FNDC3B: variants seen among roughly 807,000 people sequenced by gnomAD.
FNDC3B encodes the protein fibronectin type III domain containing 3B, also known as fibronectin type III domain-containing protein 3B.
A neutral mutation model predicts 151.5 loss-of-function variants in FNDC3B; 12 were observed. The ratio of observed to expected loss-of-function variants is 0.08; its 90% CI spans 0.05 to 0.13. The LOEUF is 0.13. FNDC3B is among the 10% of genes least tolerant of loss of function. The pLI is 1.00. For missense variants in FNDC3B, 1,214 were observed against 1,505.3 expected (o/e 0.81, Z 3.20); for synonymous variants, 528 against 549.0 (o/e 0.96, Z 0.54).
At chr3:172,311,662 C>A (rs1412272295) in intron 11 of FNDC3B, among the ~76,000 whole-genome samples, 5 of 147,444 alleles carry the variant, frequency 3.4e-5, no homozygotes, top group Non-Finnish European at 7.5e-5. Flanking sequence ...GTCAGGAGAT[C>A]AAGACCATCC....
intron 3 of FNDC3B, among the ~76,000 whole-genome samples, chr3:172,134,682 T>C (rs535257801): frequency 6.6e-6 from 1 of 152,260 alleles, no homozygotes; most frequent in East Asian, 1.9e-4. Flanking sequence ...GAAATGAGTA[T>C]ATTTTTAAAG....
chr3:172,289,014 G>T (rs1730174616), intron 7 of FNDC3B, among the ~76,000 whole-genome samples: 1 of 152,150 alleles, frequency 6.6e-6, no homozygotes, highest in Non-Finnish European at 1.5e-5. Context: ...GTTTCCTATT[G>T]CTGCTGTAAT....
intron 3 of FNDC3B, among the ~76,000 whole-genome samples, chr3:172,206,687 A>G (rs967704693): frequency 6.3e-5 from 8 of 127,140 alleles, no homozygotes; most frequent in Admixed American, 1.6e-4. Context: ...AAAAAAAAAA[A>G]GTATATTCTG....
chr3:172,067,121 C>T (rs758670413), intron 1 of FNDC3B, among the ~76,000 whole-genome samples: 1 of 152,200 alleles, frequency 6.6e-6, no homozygotes, highest in Non-Finnish European at 1.5e-5. Context: ...CCTACCCTCA[C>T]CCAGTCTTCC....
chr3:172,056,732 T>C (rs1189144800), intron 1 of FNDC3B, among the ~76,000 whole-genome samples: 1 of 152,198 alleles, frequency 6.6e-6, no homozygotes. Flanking sequence ...ACAGACAGAT[T>C]TAATTGTTGG....
intron 3 of FNDC3B, among the ~76,000 whole-genome samples, chr3:172,207,155 C>G (rs1725476081): frequency 6.6e-6 from 1 of 152,022 alleles, no homozygotes; most frequent in African/African-American, 2.4e-5. Flanking sequence ...ATCTGCTAGT[C>G]AGTAATTTTC....
At chr3:172,051,350 CT>C (rs1560383284) in intron 1 of FNDC3B, among the ~76,000 whole-genome samples, 1 of 151,926 alleles carries the variant, frequency 6.6e-6, no homozygotes, top group Non-Finnish European at 1.5e-5. Context: ...GAAGACTTGA[CT>C]TTTTCATTGT....
intron 11 of FNDC3B, among the ~76,000 whole-genome samples, chr3:172,320,133 A>G (rs1211570597): frequency 1.3e-5 from 2 of 152,198 alleles, no homozygotes; most frequent in Non-Finnish European, 2.9e-5. Flanking sequence ...TAACCCCAGT[A>G]CTTTGGGAGG....
At chr3:172,238,518 C>G (rs927763052) in intron 4 of FNDC3B, among the ~76,000 whole-genome samples, 18 of 152,118 alleles carry the variant, frequency 1.2e-4, no homozygotes, top group African/African-American at 4.3e-4. Flanking sequence ...CCACTTAGTA[C>G]TATAAAACTC....
chr3:172,076,041 G>T (rs1424401920), intron 1 of FNDC3B, among the ~76,000 whole-genome samples: 1 of 152,090 alleles, frequency 6.6e-6, no homozygotes, highest in African/African-American at 2.4e-5. Flanking sequence ...ACAGGCTTAA[G>T]GTCCCAGTTT....
chr3:172,237,084 G>A lies in FNDC3B; in HGVS notation c.264+10137G>A, dbSNP rs552626679. On this transcript the variant is annotated intron_variant, in intron 4 of 25. Transcript: ENST00000415807. ...GTATAAAAGTGTTGGCATGTACAAA[G>A]CCAGTGGAAGGATTGCCGTTTTTGA... 2.6e-5 allele frequency among the ~76,000 whole-genome samples: 4 copies of A among 152,328 alleles called. No homozygotes were observed. In the East Asian group the frequency reaches 7.7e-4, roughly 29 times the overall value.
In FNDC3B at chr3:172,178,970, T is replaced by C. The variant is rs189745300; in HGVS notation, c.187+45424T>C. ...CCATATTGACTAGAAAATTGGTTTG[T>C]CTTTAAATTATGGTTTTGAAAAGGT... On this transcript the variant is annotated intron_variant, in intron 3 of 25. Coordinates refer to ENST00000415807, the MANE Select transcript of FNDC3B (RefSeq NM_022763.4). Among the ~76,000 whole-genome samples the C allele has an allele frequency of 2.1e-3, 318 of 152,342 alleles. 1 individual carries two copies. In the Middle Eastern group the frequency reaches 0.037, roughly 18 times the overall value.
intron 6 of FNDC3B, among the ~76,000 whole-genome samples, chr3:172,261,780 C>T (rs374965417): frequency 6.6e-6 from 1 of 152,160 alleles, no homozygotes; most frequent in South Asian, 2.1e-4. Flanking sequence ...GTGAAATGCT[C>T]CCCATAGTTG....
intron 11 of FNDC3B, 114 bp from the exon 12 acceptor site, chr3:172,328,838 A>G (rs1576915780): frequency 1.3e-6 from 1 of 798,588 alleles, no homozygotes; most frequent in Non-Finnish European, 1.9e-6. Flanking sequence ...TGTTCATTCA[A>G]ACTAGGAAAT....
At chr3:172,254,705 T>C (rs1427559435) in intron 6 of FNDC3B, among the ~76,000 whole-genome samples, 1 of 152,196 alleles carries the variant, frequency 6.6e-6, no homozygotes, top group Non-Finnish European at 1.5e-5. Context: ...CATTTACTGT[T>C]ACCTTCAGGA....
In FNDC3B at chr3:172,216,387, C is replaced by G. The variant is rs189414639; in HGVS notation, c.188-10484C>G. Among the ~76,000 whole-genome samples the G allele has an allele frequency of 3.2e-3, 492 of 152,272 alleles. 3 individuals carry two copies. The highest frequency in any genetic ancestry group is 4.8e-3 in the Non-Finnish European group (324 of 68,024). On this transcript the variant is annotated intron_variant, in intron 3 of 25. Transcript: ENST00000415807. Reference sequence around the variant, plus strand: ...TATTCATTTAAATAAGTTTAACTGGCTGGGCACAGTAACTCGCACCTGTAA... The same window carrying G: ...TATTCATTTAAATAAGTTTAACTGGGTGGGCACAGTAACTCGCACCTGTAA...
chr3:172,207,533 G>C (rs1365810216), intron 3 of FNDC3B, among the ~76,000 whole-genome samples: 1 of 152,294 alleles, frequency 6.6e-6, no homozygotes, highest in Middle Eastern at 3.4e-3. Context: ...TTGGTAAATA[G>C]GCTGAGGTTT....
intron 2 of FNDC3B, among the ~76,000 whole-genome samples, chr3:172,114,713 C>A (rs960599542): frequency 2.6e-5 from 4 of 152,056 alleles, no homozygotes; most frequent in African/African-American, 7.2e-5. Context: ...AAGTGAGACC[C>A]CATCTCTAAA....
intron 3 of FNDC3B, among the ~76,000 whole-genome samples, chr3:172,194,236 T>C (rs923415805): frequency 4.0e-5 from 6 of 151,584 alleles, no homozygotes; most frequent in Non-Finnish European, 8.8e-5. Flanking sequence ...AAAAGAAAAA[T>C]TATCTTAGTG....
Sources: gnomAD v4.1 joint callset for allele counts (sites outside exome capture counted in the v4.1 genomes callset) on GRCh38, gnomAD v4.1.1 for gene constraint, MANE v1.5 for transcripts, NCBI Gene and HGNC (gene_info 2026-07-23, HGNC 2026-07-21) for gene names.